Variants in SLC35A1 observed in about 807,000 individuals in gnomAD.
SLC35A1 encodes the protein solute carrier family 35 member A1.
A neutral mutation model predicts 40.3 loss-of-function variants in SLC35A1; 21 were observed. The ratio of observed to expected loss-of-function variants is 0.52; its 90% CI spans 0.37 to 0.75. The LOEUF is 0.75. Among genes scored for constraint, SLC35A1 ranks in the 30% least tolerant of loss-of-function variants. SLC35A1 has a pLI of 0.00. For missense variants in SLC35A1, 297 were observed against 382.1 expected, an observed-to-expected ratio of 0.78 and a Z score of 1.86; for synonymous variants, 146 against 147.3, an observed-to-expected ratio of 0.99 and a Z score of 0.06.
chr6:87,501,067 A>T, intron 3 of SLC35A1, 91 bp from the exon 4 acceptor site: 1 of 1,263,248 alleles, frequency 7.9e-7, no homozygotes. Context: ...AATATTTTTT[A>T]TTGATAATTT....
intron 1 of SLC35A1, among the ~76,000 whole-genome samples, chr6:87,476,255 TAATGC>T (rs1355485620): frequency 3.3e-5 from 5 of 152,360 alleles, no homozygotes; most frequent in African/African-American, 7.2e-5. Context: ...TTGTTTTGTA[TAATGC>T]AATGAAATGA....
intron 2 of SLC35A1, among the ~76,000 whole-genome samples, chr6:87,494,923 A>G (rs1769672961): frequency 6.6e-6 from 1 of 152,200 alleles, no homozygotes; most frequent in Admixed American, 6.5e-5. Flanking sequence ...TAGTATAAAG[A>G]AAAGGAAGTG....
intron 4 of SLC35A1, among the ~76,000 whole-genome samples, chr6:87,505,702 C>T (rs940326086): frequency 6.6e-6 from 1 of 152,176 alleles, no homozygotes; most frequent in African/African-American, 2.4e-5. Context: ...GGGCTGAACT[C>T]ATCCTTTTTA....
intron 2 of SLC35A1, among the ~76,000 whole-genome samples, chr6:87,497,592 T>C (rs1407911691): frequency 6.6e-6 from 1 of 152,184 alleles, no homozygotes; most frequent in African/African-American, 2.4e-5. Context: ...CCTTTATTGG[T>C]GCAGGTATCG....
chr6:87,476,106 G>T (rs1769061979), intron 1 of SLC35A1, among the ~76,000 whole-genome samples: 3 of 152,226 alleles, frequency 2.0e-5, no homozygotes, highest in African/African-American at 7.2e-5. Flanking sequence ...AAAGGTCTTG[G>T]ACAGGCTCTG....
chr6:87,490,611 A>G lies in SLC35A1; in HGVS notation c.195-9897A>G, dbSNP rs537555445. Among the ~76,000 whole-genome samples, 258 of 152,292 alleles carry G rather than the reference A, an allele frequency of 1.7e-3. 2 individuals carry two copies. Among genetic ancestry groups the G allele is most frequent in the African/African-American group, 6.0e-3 (248 of 41,556 alleles). On this transcript the variant is annotated intron_variant, in intron 2 of 7. Coordinates refer to ENST00000369552, the MANE Select transcript of SLC35A1 (RefSeq NM_006416.5). Reference sequence around the variant, plus strand: ...CCTCCCAATGTAATTTTTATTTGAAAAAAAGGAAAAAGATATTTCTTTCAC... The same window carrying G: ...CCTCCCAATGTAATTTTTATTTGAAGAAAAGGAAAAAGATATTTCTTTCAC...
chr6:87,511,027 G>A (rs956476731), intron 7 of SLC35A1, among the ~76,000 whole-genome samples: 1 of 151,966 alleles, frequency 6.6e-6, no homozygotes, highest in African/African-American at 2.4e-5. Context: ...TGGTTGTCAC[G>A]GAAAAGCCAA....
chr6:87,492,618 G>C (rs1334701223), intron 2 of SLC35A1, among the ~76,000 whole-genome samples: 1 of 147,432 alleles, frequency 6.8e-6, no homozygotes, highest in Non-Finnish European at 1.5e-5. Flanking sequence ...CATGATCTCA[G>C]CTGACTGCAA....
chr6:87,508,326 A>T, intron 5 of SLC35A1, 94 bp from the exon 6 acceptor site: 1 of 834,780 alleles, frequency 1.2e-6, no homozygotes, highest in Non-Finnish European at 1.9e-6. Flanking sequence ...CAAATCATAT[A>T]CTTTATATAT....
At chr6:87,480,467 A>G (rs1001189981) in intron 2 of SLC35A1, among the ~76,000 whole-genome samples, 2 of 152,182 alleles carry the variant, frequency 1.3e-5, no homozygotes, top group Non-Finnish European at 2.9e-5. Flanking sequence ...TTAACCAGGC[A>G]TTTACATCTT....
At chr6:87,502,356 C>G (rs565491981) in intron 4 of SLC35A1, among the ~76,000 whole-genome samples, 1 of 152,154 alleles carries the variant, frequency 6.6e-6, no homozygotes, top group Non-Finnish European at 1.5e-5. Flanking sequence ...ACTTGTTATA[C>G]AGTCATGCAT....
intron 3 of SLC35A1, 135 bp downstream of exon 3, chr6:87,500,802 C>T (rs527333151): frequency 1.6e-5 from 14 of 860,476 alleles, no homozygotes; most frequent in East Asian, 2.7e-5. Context: ...GGCTGGAGTG[C>T]AGTGACGTGA....
intron 7 of SLC35A1, 98 bp from the exon 8 acceptor site, chr6:87,511,301 T>C: frequency 1.5e-6 from 2 of 1,292,490 alleles, no homozygotes; most frequent in Middle Eastern, 2.0e-4. Context: ...GATCTGATAG[T>C]GTAAACCCAC....
chr6:87,497,694 C>T (rs1307365904), intron 2 of SLC35A1, among the ~76,000 whole-genome samples: 3 of 151,900 alleles, frequency 2.0e-5, no homozygotes, highest in Non-Finnish European at 2.9e-5. Flanking sequence ...GTCAAAAGGT[C>T]GTTTGTTACC....
In SLC35A1 at chr6:87,512,239, A is replaced by C. The variant is rs1399047655; in HGVS notation, c.*713A>C. The C allele has an allele frequency of 6.5e-6, 1 of 152,732 alleles. No homozygotes were observed. Among genetic ancestry groups the C allele is most frequent in the Non-Finnish European group, 1.5e-5 (1 of 68,142 alleles). The allele number at this position is 152,732 out of a possible 1,614,324, so 9.5% of individuals were successfully genotyped here. A position where few individuals can be genotyped will look rare whatever the true frequency, so the allele number is the denominator to read the frequency against. ...GTCACTTTTGTACTTTTTTAAATAA[A>C]GTATGTTTAACTGTTGGGCTCTCAA... On this transcript the variant is annotated 3_prime_UTR_variant, in exon 8 of 8. Coordinates refer to ENST00000369552, the MANE Select transcript of SLC35A1 (RefSeq NM_006416.5).
intron 2 of SLC35A1, among the ~76,000 whole-genome samples, chr6:87,493,763 T>C (rs1404924609): frequency 6.6e-6 from 1 of 152,256 alleles, no homozygotes; most frequent in Non-Finnish European, 1.5e-5. Context: ...AGTAAAATAC[T>C]GTGTTTTAGA....
intron 2 of SLC35A1, among the ~76,000 whole-genome samples, chr6:87,497,473 G>C (rs180794285): frequency 6.6e-6 from 1 of 152,264 alleles, no homozygotes; most frequent in African/African-American, 2.4e-5. Context: ...TGAAGGAAAG[G>C]AATACTCAGA....
At chr6:87,485,429 T>G (rs1769365708) in intron 2 of SLC35A1, among the ~76,000 whole-genome samples, 3 of 152,134 alleles carry the variant, frequency 2.0e-5, no homozygotes, top group African/African-American at 7.2e-5. Flanking sequence ...AACTAAAGGT[T>G]TAGAACTTGA....
intron 2 of SLC35A1, among the ~76,000 whole-genome samples, chr6:87,480,646 A>G (rs1017219648): frequency 6.6e-6 from 1 of 152,186 alleles, no homozygotes; most frequent in Admixed American, 6.5e-5. Context: ...AAAGAAGCCT[A>G]TAGGGTCCTT....
Sources: allele counts gnomAD v4.1 joint callset (sites outside exome capture counted in the v4.1 genomes callset), GRCh38; gene constraint gnomAD v4.1.1; transcripts MANE v1.5; gene names NCBI Gene and HGNC (gene_info 2026-07-23, HGNC 2026-07-21).